Variants in TRAF3IP1 observed in about 807,000 individuals in gnomAD.
TRAF3IP1 encodes the protein intraflagellar transport 54, also known as TRAF3-interacting protein 1.
In TRAF3IP1, 53 loss-of-function variants were observed where a neutral mutation model predicts 89.9. The ratio of observed to expected loss-of-function variants is 0.59; its 90% CI spans 0.47 to 0.74. The LOEUF (loss-of-function observed/expected upper bound fraction) is 0.74. Ranked by LOEUF, TRAF3IP1 falls within the 30% of genes least tolerant of loss-of-function variation. The pLI, the probability that TRAF3IP1 is intolerant of heterozygous loss-of-function variation, is 0.00. For missense variants in TRAF3IP1, 806 were observed against 866.1 expected, an observed-to-expected ratio of 0.93 and a Z score of 0.87; for synonymous variants, 311 against 322.1, an observed-to-expected ratio of 0.97 and a Z score of 0.37.
chr2:238,335,766 T>TTTTTA (rs1553611251), intron 7 of TRAF3IP1, among the ~76,000 whole-genome samples: 1 of 137,102 alleles, frequency 7.3e-6, no homozygotes, highest in African/African-American at 2.8e-5. Flanking sequence ...TTTTATTTTA[T>TTTTTA]TTTATTTATT....
At chr2:238,391,812 T>C (rs1381543348) in intron 15 of TRAF3IP1, among the ~76,000 whole-genome samples, 1 of 152,188 alleles carries the variant, frequency 6.6e-6, no homozygotes, top group Non-Finnish European at 1.5e-5. Context: ...AACATTTTTA[T>C]ATTAGAGTTA....
chr2:238,376,030 A>G (rs1428199318), intron 15 of TRAF3IP1, among the ~76,000 whole-genome samples: 5 of 152,152 alleles, frequency 3.3e-5, no homozygotes, highest in Admixed American at 1.3e-4. Flanking sequence ...TCTGCCCCAG[A>G]GGTTAGCAAA....
intron 11 of TRAF3IP1, 63 bp downstream of exon 11, chr2:238,348,911 T>A: frequency 1.4e-6 from 2 of 1,380,586 alleles, no homozygotes; most frequent in Middle Eastern, 1.8e-4. Flanking sequence ...CTGCTGTGCT[T>A]CTCTTTCTGG....
Position 238,400,434 on chromosome 2 carries a change from G to A in TRAF3IP1, c.*1515G>A, listed in dbSNP as rs554901987. The A allele has an allele frequency of 1.1e-4, 17 of 152,244 alleles. No individual in the cohort carries two copies. Among genetic ancestry groups the A allele is most frequent in the African/African-American group, 4.1e-4 (17 of 41,528 alleles). 9.4% of individuals were successfully genotyped at this position (152,244 alleles called of 1,614,324 possible). ...AAGGATTAGCACAAATGGCACCGTT[G>A]GGTTTTTCTTCATACAATTTCCAAA... On this transcript the variant is annotated 3_prime_UTR_variant, in exon 17 of 17. Coordinates refer to ENST00000373327, the MANE Select transcript of TRAF3IP1 (RefSeq NM_015650.4).
Position 238,400,637 on chromosome 2 carries a change from A to T in TRAF3IP1, c.*1718A>T, listed in dbSNP as rs1005484845. 26 of 152,318 alleles carry T rather than the reference A, an allele frequency of 1.7e-4. No homozygotes were observed. Among genetic ancestry groups the T allele is most frequent in the African/African-American group, 5.5e-4 (23 of 41,572 alleles). The allele number at this position is 152,318 out of a possible 1,614,324, so 9.4% of individuals were successfully genotyped here. On this transcript the variant is annotated 3_prime_UTR_variant, in exon 17 of 17. Transcript: ENST00000373327. ...TTGGGGGAGTGGAGGGACATGAGTT[A>T]AGTAGCCCTTCATGTATTTATAATC...
At chr2:238,375,710 AC>A (rs1456017077) in intron 15 of TRAF3IP1, among the ~76,000 whole-genome samples, 1 of 152,194 alleles carries the variant, frequency 6.6e-6, no homozygotes, top group African/African-American at 2.4e-5. Flanking sequence ...CATTTTAAAG[AC>A]ATTTTTAATT....
intron 15 of TRAF3IP1, among the ~76,000 whole-genome samples, chr2:238,363,784 AC>A (rs1391334535): frequency 6.6e-6 from 1 of 151,722 alleles, no homozygotes; most frequent in Non-Finnish European, 1.5e-5. Context: ...ACACAGTAAA[AC>A]CCCGTCTCTA....
chr2:238,370,462 C>T (rs1428720680), intron 15 of TRAF3IP1, among the ~76,000 whole-genome samples: 1 of 152,092 alleles, frequency 6.6e-6, no homozygotes, highest in South Asian at 2.1e-4. Flanking sequence ...TGTGTGTGTA[C>T]ATGTGTGTGT....
intron 9 of TRAF3IP1, 79 bp downstream of exon 9, chr2:238,344,677 C>A: frequency 8.0e-7 from 1 of 1,253,820 alleles, no homozygotes; most frequent in Non-Finnish European, 1.2e-6. Context: ...AGGGCCGCAG[C>A]CCAGAGCCCG....
At chr2:238,323,444 C>G (rs1002210237) in intron 1 of TRAF3IP1, among the ~76,000 whole-genome samples, 1 of 152,196 alleles carries the variant, frequency 6.6e-6, no homozygotes, top group Admixed American at 6.5e-5. Flanking sequence ...TGAAAATGTT[C>G]CAGGAATGTT....
At chr2:238,327,725 A>C (rs934653018) in intron 3 of TRAF3IP1, among the ~76,000 whole-genome samples, 3 of 151,988 alleles carry the variant, frequency 2.0e-5, no homozygotes, top group African/African-American at 4.8e-5. Flanking sequence ...TGTCCCCATG[A>C]AACACTAACT....
intron 15 of TRAF3IP1, among the ~76,000 whole-genome samples, chr2:238,361,884 G>A (rs2106338836): frequency 6.6e-6 from 1 of 152,260 alleles, no homozygotes; most frequent in South Asian, 2.1e-4. Context: ...TGTCTTTGGA[G>A]CAAAATGCCT....
rs143514130 is a variant in TRAF3IP1, at chr2:238,387,511, C to T, written c.1690-9948C>T. 7.8e-4 allele frequency among the ~76,000 whole-genome samples: 118 copies of T among 152,250 alleles called. 1 individual carries two copies. Among genetic ancestry groups the T allele is most frequent in the African/African-American group, 2.6e-3 (108 of 41,528 alleles). ...GTAAATTTCTAAAACTATATGAAAACGGTTTGGCATTACATCATAAAGTTG... is the reference window on the plus strand; with the variant it reads ...GTAAATTTCTAAAACTATATGAAAATGGTTTGGCATTACATCATAAAGTTG... On this transcript the variant is annotated intron_variant, in intron 15 of 16. Transcript: ENST00000373327.
At chr2:238,356,128 A>C in intron 15 of TRAF3IP1, 48 bp downstream of exon 15, 1 of 1,390,856 alleles carries the variant, frequency 7.2e-7, no homozygotes, top group African/African-American at 1.4e-5. Context: ...AGTCTGTTTC[A>C]TGCATTTACA....
At chr2:238,377,405 G>GT (rs34048528) in intron 15 of TRAF3IP1, among the ~76,000 whole-genome samples, 109,315 of 150,808 alleles carry the variant, frequency 0.72, 39,844 homozygotes, top group Middle Eastern at 0.78. Context: ...GTTTTTGTAG[G>GT]TTCCCCCCCC....
chr2:238,367,653 C>G (rs1456869141), intron 15 of TRAF3IP1, among the ~76,000 whole-genome samples: 1 of 152,172 alleles, frequency 6.6e-6, no homozygotes, highest in Non-Finnish European at 1.5e-5. Flanking sequence ...CCTGCGCCAC[C>G]GAGCCCTCTC....
At chr2:238,336,570 G>T (rs1024858811) in intron 7 of TRAF3IP1, among the ~76,000 whole-genome samples, 1 of 152,092 alleles carries the variant, frequency 6.6e-6, no homozygotes, top group African/African-American at 2.4e-5. Flanking sequence ...TGGAATCCCT[G>T]CAGAATCCAG....
intron 5 of TRAF3IP1, among the ~76,000 whole-genome samples, chr2:238,332,105 G>A (rs1045148136): frequency 6.6e-6 from 1 of 152,216 alleles, no homozygotes; most frequent in Non-Finnish European, 1.5e-5. Context: ...CCAGCTTGCA[G>A]TCATGGGTAA....
chr2:238,383,029 C>T (rs1245593054), intron 15 of TRAF3IP1, among the ~76,000 whole-genome samples: 1 of 152,158 alleles, frequency 6.6e-6, no homozygotes, highest in African/African-American at 2.4e-5. Flanking sequence ...CCAGCCACCT[C>T]CCTGCCTGTC....
Sources: gnomAD v4.1 joint callset for allele counts (sites outside exome capture counted in the v4.1 genomes callset) on GRCh38, gnomAD v4.1.1 for gene constraint, MANE v1.5 for transcripts, NCBI Gene and HGNC (gene_info 2026-07-23, HGNC 2026-07-21) for gene names.